IL1RAPL2: variants seen among roughly 807,000 people sequenced by gnomAD.
The protein encoded by IL1RAPL2 is X-linked interleukin-1 receptor accessory protein-like 2.
A neutral mutation model predicts 44.1 loss-of-function variants in IL1RAPL2; 3 were observed. That is an observed-to-expected ratio of 0.07 (90% confidence interval 0.03 to 0.18). The LOEUF (loss-of-function observed/expected upper bound fraction) is 0.18, where lower values mean the gene tolerates loss of function less well. IL1RAPL2 is among the 10% of genes least tolerant of loss of function. The pLI is 1.00. For missense variants in IL1RAPL2, 391 were observed against 496.4 expected (o/e 0.79, Z 2.02); for synonymous variants, 181 against 178.8 (o/e 1.01, Z -0.10).
chrX:104,900,873 A>T (rs1923793064), intron 2 of IL1RAPL2, among the ~76,000 whole-genome samples: 1 of 112,037 alleles, frequency 8.9e-6, no homozygotes, highest in Admixed American at 9.5e-5. Flanking sequence ...TCATGAATTT[A>T]GGGAGAGACG....
At chrX:104,699,517 G>C (rs1309249762) in intron 2 of IL1RAPL2, among the ~76,000 whole-genome samples, 2 of 111,846 alleles carry the variant, frequency 1.8e-5, no homozygotes, top group African/African-American at 6.5e-5. Context: ...ATGGGAAGCA[G>C]CTGTAAATGC....
chrX:105,385,569 A>G, intron 5 of IL1RAPL2, among the ~76,000 whole-genome samples: 1 of 111,375 alleles, frequency 9.0e-6, no homozygotes, highest in Non-Finnish European at 1.9e-5. Flanking sequence ...TATAGTAGTA[A>G]CAATGAGAAC....
intron 2 of IL1RAPL2, among the ~76,000 whole-genome samples, chrX:105,177,149 C>A (rs1422131818): frequency 9.0e-6 from 1 of 110,547 alleles, no homozygotes; most frequent in Non-Finnish European, 1.9e-5. Flanking sequence ...TATTTACAGC[C>A]ACTCCCCAAT....
At chrX:105,251,810 G>C (rs2034271420) in intron 4 of IL1RAPL2, among the ~76,000 whole-genome samples, 1 of 110,436 alleles carries the variant, frequency 9.1e-6, no homozygotes, top group African/African-American at 3.3e-5. Flanking sequence ...TGTTATAAAA[G>C]TTTAATGATT....
At chrX:105,432,402 G>A (rs1417906748) in intron 5 of IL1RAPL2, among the ~76,000 whole-genome samples, 3 of 109,834 alleles carry the variant, frequency 2.7e-5, no homozygotes, top group African/African-American at 6.6e-5. Context: ...GAGAGGTATA[G>A]GTGATATAGA....
At chrX:105,614,688 G>C (rs2037360474) in intron 6 of IL1RAPL2, among the ~76,000 whole-genome samples, 1 of 111,763 alleles carries the variant, frequency 8.9e-6, no homozygotes, top group African/African-American at 3.2e-5. Context: ...AATAAAACTG[G>C]ATTAAAGACT....
intron 6 of IL1RAPL2, among the ~76,000 whole-genome samples, chrX:105,606,353 A>G (rs1404188632): frequency 2.7e-5 from 3 of 111,851 alleles, no homozygotes; most frequent in East Asian, 5.6e-4. Context: ...CCACAATAAG[A>G]TATCATCTCA....
At chrX:104,859,499 A>G (rs969945239) in intron 2 of IL1RAPL2, among the ~76,000 whole-genome samples, 1 of 111,588 alleles carries the variant, frequency 9.0e-6, no homozygotes, top group African/African-American at 3.2e-5. Flanking sequence ...AGCACTTAAT[A>G]TAATGAGACT....
At chrX:105,185,494 A>C (rs1556133333) in intron 2 of IL1RAPL2, among the ~76,000 whole-genome samples, 1 of 111,819 alleles carries the variant, frequency 8.9e-6, no homozygotes. Flanking sequence ...CAACTCAGAT[A>C]ATCCATTTTA....
intron 2 of IL1RAPL2, among the ~76,000 whole-genome samples, chrX:104,886,738 C>T (rs1179506460): frequency 1.8e-5 from 2 of 112,209 alleles, no homozygotes; most frequent in African/African-American, 3.2e-5. Context: ...TTTCTCTTTG[C>T]CTTTGAGGAT....
chrX:105,576,640 A>C (rs1478769630), intron 6 of IL1RAPL2, among the ~76,000 whole-genome samples: 2 of 111,823 alleles, frequency 1.8e-5, no homozygotes, highest in East Asian at 5.6e-4. Flanking sequence ...TAGTTATGTG[A>C]AAGAACACTT....
At chrX:104,998,982 A>C (rs747676393) in intron 2 of IL1RAPL2, among the ~76,000 whole-genome samples, 2 of 111,148 alleles carry the variant, frequency 1.8e-5, no homozygotes, top group South Asian at 7.6e-4. Flanking sequence ...TGTGTTTTGT[A>C]GAGACAGTGG....
chrX:104,662,810 T>C (rs746725473), intron 2 of IL1RAPL2, among the ~76,000 whole-genome samples: 1 of 112,190 alleles, frequency 8.9e-6, no homozygotes, highest in East Asian at 2.8e-4. Flanking sequence ...TATGCAGTTG[T>C]TGGCATTCAG....
chrX:105,116,474 A>AT (rs1172091312), intron 2 of IL1RAPL2, among the ~76,000 whole-genome samples: 4 of 110,677 alleles, frequency 3.6e-5, no homozygotes, highest in East Asian at 2.9e-4. Flanking sequence ...TGTGTCCTGC[A>AT]TTTTTTTTTC....
intron 6 of IL1RAPL2, among the ~76,000 whole-genome samples, chrX:105,546,448 G>A (rs2036800394): frequency 9.0e-6 from 1 of 110,876 alleles, no homozygotes; most frequent in South Asian, 3.9e-4. Context: ...AGAGAAGGAG[G>A]AAGGAAAATA....
intron 2 of IL1RAPL2, among the ~76,000 whole-genome samples, chrX:104,678,796 G>C (rs1345206475): frequency 1.8e-5 from 2 of 110,855 alleles, no homozygotes; most frequent in East Asian, 5.7e-4. Flanking sequence ...GACACAGGGA[G>C]GGGAACATCA....
chrX:104,677,699 G>A lies in IL1RAPL2; in HGVS notation c.82+18704G>A, dbSNP rs775262455. ...TGGCGGGCGCCCCTCCCCCAGCCTC[G>A]CTGCCGCCTTGCAGTTTGATCTCAG... On this transcript the variant is annotated intron_variant, in intron 2 of 10. Transcript: ENST00000372582. 3.0e-3 allele frequency among the ~76,000 whole-genome samples: 332 copies of A among 112,147 alleles called. 1 individual carries two copies. The highest frequency in any genetic ancestry group is 9.3e-3 in the Middle Eastern group (2 of 216).
intron 5 of IL1RAPL2, among the ~76,000 whole-genome samples, chrX:105,298,429 T>C (rs991677621): frequency 4.5e-5 from 5 of 110,957 alleles, no homozygotes; most frequent in Non-Finnish European, 9.4e-5. Context: ...ATGACTCTTA[T>C]GTTTGTCACC....
chrX:104,911,065 T>G (rs1430014852), intron 2 of IL1RAPL2, among the ~76,000 whole-genome samples: 1 of 112,051 alleles, frequency 8.9e-6, no homozygotes, highest in Non-Finnish European at 1.9e-5. Context: ...ATAGAATGTA[T>G]AATTGATCAA....
Sources: gnomAD v4.1 joint callset for allele counts (sites outside exome capture counted in the v4.1 genomes callset) on GRCh38, gnomAD v4.1.1 for gene constraint, MANE v1.5 for transcripts, NCBI Gene and HGNC (gene_info 2026-07-23, HGNC 2026-07-21) for gene names.